LPIN2: variants seen among roughly 807,000 people sequenced by gnomAD.
The protein encoded by LPIN2 is lipin 2.
In LPIN2, 55 loss-of-function variants were observed where a neutral mutation model predicts 111.4. That is an observed-to-expected ratio of 0.49 (90% confidence interval 0.40 to 0.62). The LOEUF is 0.62. Among genes scored for constraint, LPIN2 ranks in the 20% least tolerant of loss-of-function variants. The pLI is 0.00. For synonymous variants in LPIN2, 425 were observed against 414.0 expected (o/e 1.03, Z -0.32); for missense variants, 992 against 1,112.1 (o/e 0.89, Z 1.54).
At position 2,925,461 on chromosome 18, in the gene LPIN2, A is replaced by T; in HGVS notation, c.1794-93T>A. The T allele has an allele frequency of 6.5e-7, 1 of 1,529,534 alleles. No individual in the cohort carries two copies. The highest frequency in any genetic ancestry group is 9.0e-7 in the Non-Finnish European group (1 of 1,109,922). The allele number at this position is 1,529,534 out of a possible 1,614,324, so 94.7% of individuals were successfully genotyped here. A position where few individuals can be genotyped will look rare whatever the true frequency, so the allele number is the denominator to read the frequency against. On this transcript the variant is annotated intron_variant, in intron 13 of 19. Transcript: ENST00000677752. This position sits in a 1 kb window ranked among gnomAD's most constrained non-coding sequence, Gnocchi z 4.1. ...GGATCAAGAAAATAAAGATATCCTA[A>T]ATCTTTTCTAGGAATGGGTAGAGTT...
At chr18:2,930,404 A>G (rs2077197144) in intron 9 of LPIN2, among the ~76,000 whole-genome samples, 1 of 152,174 alleles carries the variant, frequency 6.6e-6, no homozygotes, top group African/African-American at 2.4e-5. Context: ...AAGCAAACAA[A>G]CAATGAAGAG....
chr18:2,985,605 T>C (rs1488705386), intron 1 of LPIN2, among the ~76,000 whole-genome samples: 1 of 152,180 alleles, frequency 6.6e-6, no homozygotes, highest in African/African-American at 2.4e-5. Flanking sequence ...AAGTAAAATA[T>C]ATACCTTCTT....
chr18:2,949,625 A>T (rs1458538275), intron 4 of LPIN2, among the ~76,000 whole-genome samples: 1 of 152,232 alleles, frequency 6.6e-6, no homozygotes, highest in Non-Finnish European at 1.5e-5. Flanking sequence ...TTCATGTATT[A>T]AAAATGGCTA....
rs1055553971 is a variant in LPIN2 at position 2,945,778 on chromosome 18, G to C, written c.591-5066C>G. On this transcript the variant is annotated intron_variant, in intron 4 of 19. Transcript: ENST00000677752. The stretch of plus-strand genomic sequence containing the variant: ...AACAATGTGCTATTTGCTTCTACTC[G>C]ACTAAGTTCTGGAAGTGAATTTTTA... 5.5e-6 allele frequency: 7 copies of C among 1,261,632 alleles called. No individual in the cohort carries two copies. In the Admixed American group the frequency reaches 1.2e-4, roughly 21 times the overall value. 78.2% of individuals were successfully genotyped at this position (1,261,632 alleles called of 1,614,324 possible).
At chr18:2,968,211 A>G (rs1014092169) in intron 1 of LPIN2, among the ~76,000 whole-genome samples, 1 of 152,220 alleles carries the variant, frequency 6.6e-6, no homozygotes, top group African/African-American at 2.4e-5. Flanking sequence ...AAACTTCCTG[A>G]ATACACCGAG....
chr18:2,930,563 G>A (rs1304336397), intron 9 of LPIN2, among the ~76,000 whole-genome samples: 6 of 152,146 alleles, frequency 3.9e-5, no homozygotes, highest in East Asian at 3.8e-4. Context: ...CACTAGTCAC[G>A]GAAAGAAAAT....
chr18:2,997,345 T>G (rs548044439), intron 1 of LPIN2, among the ~76,000 whole-genome samples: 1 of 148,038 alleles, frequency 6.8e-6, no homozygotes, highest in East Asian at 2.0e-4. Context: ...CAGGCTGGTC[T>G]TGAACTCCTG....
At chr18:2,992,644 G>C (rs1267610478) in intron 1 of LPIN2, among the ~76,000 whole-genome samples, 1 of 152,120 alleles carries the variant, frequency 6.6e-6, no homozygotes, top group African/African-American at 2.4e-5. Context: ...AGTTCCAGGA[G>C]TTCAAGACCA....
At chr18:2,977,421 A>T (rs1248260559) in intron 1 of LPIN2, among the ~76,000 whole-genome samples, 2 of 152,148 alleles carry the variant, frequency 1.3e-5, no homozygotes. Context: ...AGGACCTAGA[A>T]TCAAGGATAC....
chr18:3,010,731 TA>T (rs1296161572), intron 1 of LPIN2, among the ~76,000 whole-genome samples: 2 of 152,334 alleles, frequency 1.3e-5, no homozygotes, highest in East Asian at 1.9e-4. Context: ...CTGTTACCAC[TA>T]ATCTATCAAC....
chr18:2,953,494 ACCAGT>A (rs2077567816), intron 3 of LPIN2, among the ~76,000 whole-genome samples: 2 of 152,340 alleles, frequency 1.3e-5, no homozygotes, highest in South Asian at 4.1e-4. Context: ...TAGAAAAAGC[ACCAGT>A]CTGATCAAGC....
chr18:2,985,428 T>C (rs2078173838), intron 1 of LPIN2: 1 of 152,202 alleles, frequency 6.6e-6, no homozygotes, highest in African/African-American at 2.4e-5. Context: ...TTTACTTTTG[T>C]ATAACATCTT....
intron 18 of LPIN2, 47 bp from the exon 19 acceptor site, chr18:2,920,928 GGA>G (rs2077044623): frequency 1.6e-6 from 2 of 1,272,582 alleles, no homozygotes; most frequent in African/African-American, 2.9e-5. Flanking sequence ...GGAGAATTCA[GGA>G]GATACTTCTC....
At chr18:2,992,758 C>G (rs566195757) in intron 1 of LPIN2, among the ~76,000 whole-genome samples, 1 of 151,810 alleles carries the variant, frequency 6.6e-6, no homozygotes, top group Non-Finnish European at 1.5e-5. Context: ...TCGAGGCGGG[C>G]AGATCATGAG....
chr18:2,928,448 T>A, intron 11 of LPIN2, 143 bp downstream of exon 11: 1 of 824,664 alleles, frequency 1.2e-6, no homozygotes, highest in Non-Finnish European at 2.0e-6. Flanking sequence ...TGGGTACATA[T>A]GACTTTGATC....
At chr18:2,939,730 G>A in intron 5 of LPIN2, 127 bp from the exon 6 acceptor site, 1 of 931,554 alleles carries the variant, frequency 1.1e-6, no homozygotes, top group East Asian at 2.9e-5. Flanking sequence ...AAAACTCTAT[G>A]GAAGGGAGCA....
At chr18:2,999,482 G>C (rs1448809966) in intron 1 of LPIN2, among the ~76,000 whole-genome samples, 1 of 152,034 alleles carries the variant, frequency 6.6e-6, no homozygotes, top group Non-Finnish European at 1.5e-5. Context: ...GCAGGCGCCT[G>C]TAGTCCCAGC....
chr18:2,936,135 A>T (rs2077281978), intron 7 of LPIN2, among the ~76,000 whole-genome samples: 1 of 152,180 alleles, frequency 6.6e-6, no homozygotes, highest in Admixed American at 6.5e-5. Flanking sequence ...TTTTAGATAA[A>T]TTATTTCTGA....
intron 9 of LPIN2, among the ~76,000 whole-genome samples, chr18:2,930,042 G>A (rs1457588167): frequency 6.6e-6 from 1 of 152,180 alleles, no homozygotes; most frequent in East Asian, 1.9e-4. Flanking sequence ...CTTGCAGAGT[G>A]AATGAGGGCT....
Sources: gnomAD v4.1 joint callset for allele counts (sites outside exome capture counted in the v4.1 genomes callset) on GRCh38, gnomAD v4.1.1 for gene constraint, Gnocchi (gnomAD v3.1) non-coding constraint, MANE v1.5 for transcripts, NCBI Gene and HGNC (gene_info 2026-07-23, HGNC 2026-07-21) for gene names.